The following CRB1 variants were observed in gnomAD, a reference collection of about 807,000 sequenced individuals.
The protein encoded by CRB1 is protein crumbs homolog 1.
In CRB1, 83 loss-of-function variants were observed where a neutral mutation model predicts 120.0. The observed-to-expected ratio is 0.69, with a 90% CI of 0.58 to 0.83. CRB1 has a LOEUF of 0.83. Ranked by LOEUF, CRB1 falls within the 40% of genes least tolerant of loss-of-function variation. The pLI is 0.00. For synonymous variants in CRB1, 625 were observed against 612.5 expected (o/e 1.02, Z -0.30); for missense variants, 1,699 against 1,687.6 (o/e 1.01, Z -0.12).
intron 1 of CRB1, among the ~76,000 whole-genome samples, chr1:197,318,383 C>T (rs1037397633): frequency 2.0e-5 from 3 of 152,112 alleles, no homozygotes; most frequent in African/African-American, 4.8e-5. Context: ...AGAAATTTTA[C>T]ACTCTGCTGG....
At chr1:197,293,266 T>C (rs1656305751) in intron 1 of CRB1, among the ~76,000 whole-genome samples, 1 of 151,858 alleles carries the variant, frequency 6.6e-6, no homozygotes, top group Non-Finnish European at 1.5e-5. Flanking sequence ...TATACACCAA[T>C]AACAGACAAA....
intron 11 of CRB1, among the ~76,000 whole-genome samples, chr1:197,445,116 C>T (rs1665641170): frequency 6.6e-6 from 1 of 152,168 alleles, no homozygotes; most frequent in African/African-American, 2.4e-5. Flanking sequence ...TTGTCCCTGC[C>T]AAAGCTAGCC....
Position 197,478,172 on chromosome 1 carries a change from C to G in CRB1, c.*293C>G. 1 of 404,016 alleles carries G rather than the reference C, an allele frequency of 2.5e-6. No homozygotes were observed. The highest frequency in any genetic ancestry group is 2.6e-5 in the South Asian group (1 of 39,156). 25.0% of individuals were successfully genotyped at this position (404,016 alleles called of 1,614,324 possible). ...TCTTCTGTGGCTTTAGTGGCTATCA[C>G]TGAAACTCTTTCCTCTTTTCAACCT... On this transcript the variant is annotated 3_prime_UTR_variant, in exon 12 of 12. Transcript: ENST00000367400.
At chr1:197,475,060 A>AT (rs1194538860) in intron 11 of CRB1, among the ~76,000 whole-genome samples, 2 of 152,098 alleles carry the variant, frequency 1.3e-5, no homozygotes, top group African/African-American at 2.4e-5. Flanking sequence ...GACATAAACT[A>AT]TTTTTTCTAA....
At chr1:197,258,304 T>G in the CRB1 span, among the ~76,000 whole-genome samples, 1 of 152,134 alleles carries the variant, frequency 6.6e-6, no homozygotes, top group African/African-American at 2.4e-5. Flanking sequence ...TGCGTGTATT[T>G]CATGTTAAAA....
chr1:197,450,715 C>T lies in CRB1; in HGVS notation c.4005+8423C>T, dbSNP rs1337065027. ...CAGCACTTTGGGAGGCCGAGGTGGG[C>T]GGATCACGAGGTCAAGAGATCGAGA... is the stretch of plus-strand genomic sequence containing the variant. On this transcript the variant is annotated intron_variant, in intron 11 of 11. Coordinates refer to ENST00000367400, the MANE Select transcript of CRB1 (RefSeq NM_201253.3). 7.1e-5 allele frequency among the ~76,000 whole-genome samples: 10 copies of T among 140,810 alleles called. No homozygotes were observed. In the East Asian group the frequency reaches 2.1e-3, roughly 30 times the overall value. The allele number at this position is 140,810 out of a possible 152,430, so 92.4% of individuals were successfully genotyped here.
chr1:197,240,326 G>A, the CRB1 span, among the ~76,000 whole-genome samples: 7 of 152,002 alleles, frequency 4.6e-5, no homozygotes, highest in Admixed American at 2.0e-4. Flanking sequence ...CCATCAACCC[G>A]TCATCTACGT....
At chr1:197,376,583 G>A (rs1661659351) in intron 5 of CRB1, among the ~76,000 whole-genome samples, 2 of 152,038 alleles carry the variant, frequency 1.3e-5, no homozygotes, top group African/African-American at 4.8e-5. Context: ...ACAGTTTGTT[G>A]GCTTCTCCTT....
At chr1:197,262,432 G>T in the CRB1 span, among the ~76,000 whole-genome samples, 1 of 151,994 alleles carries the variant, frequency 6.6e-6, no homozygotes, top group Middle Eastern at 3.4e-3. Context: ...TTTGATTATT[G>T]TTCTACTGTA....
chr1:197,270,993 A>G (rs1445699839), intron 1 of CRB1, among the ~76,000 whole-genome samples: 2 of 152,150 alleles, frequency 1.3e-5, no homozygotes, highest in Admixed American at 6.5e-5. Context: ...AGCCTAGTTC[A>G]AGACCAGCCT....
At chr1:197,370,322 A>G (rs1198402283) in intron 5 of CRB1, among the ~76,000 whole-genome samples, 2 of 152,154 alleles carry the variant, frequency 1.3e-5, no homozygotes, top group African/African-American at 4.8e-5. Context: ...CTCTAAAACA[A>G]ATGGACTTAG....
intron 1 of CRB1, among the ~76,000 whole-genome samples, chr1:197,303,205 A>C (rs1424382166): frequency 2.0e-5 from 3 of 151,198 alleles, no homozygotes; most frequent in African/African-American, 7.3e-5. Flanking sequence ...ATATGTATAC[A>C]TGTGCCATGC....
At chr1:197,375,931 G>A (rs1006151971) in intron 5 of CRB1, among the ~76,000 whole-genome samples, 1 of 151,998 alleles carries the variant, frequency 6.6e-6, no homozygotes, top group African/African-American at 2.4e-5. Context: ...CCCCATTAAG[G>A]CAGTTTTTGT....
chr1:197,329,123 G>A, intron 2 of CRB1, 120 bp downstream of exon 2: 1 of 873,228 alleles, frequency 1.1e-6, no homozygotes, highest in Non-Finnish European at 1.8e-6. Flanking sequence ...TTCTTGACAG[G>A]AATCAATCAC....
chr1:197,323,546 T>G (rs1658323073), intron 1 of CRB1, among the ~76,000 whole-genome samples: 1 of 152,142 alleles, frequency 6.6e-6, no homozygotes. Context: ...AAATATACAT[T>G]GATTATAATA....
At chr1:197,442,440 A>G in intron 11 of CRB1, 148 bp downstream of exon 11, 2 of 1,569,512 alleles carry the variant, frequency 1.3e-6, no homozygotes, top group Non-Finnish European at 1.7e-6. Context: ...ACATTCCCAA[A>G]TGAAAAAAAA....
chr1:197,211,476 C>T, the CRB1 span, among the ~76,000 whole-genome samples: 342 of 152,276 alleles, frequency 2.2e-3, no homozygotes, highest in Admixed American at 4.6e-3. Flanking sequence ...CTGGTAAGGG[C>T]TTTCTTGCTG....
chr1:197,293,188 T>G (rs1558034359), intron 1 of CRB1, among the ~76,000 whole-genome samples: 1 of 152,188 alleles, frequency 6.6e-6, no homozygotes, highest in African/African-American at 2.4e-5. Flanking sequence ...AAAATCTCCT[T>G]AAGCTGATAA....
At chr1:197,303,574 T>G (rs567584709) in intron 1 of CRB1, among the ~76,000 whole-genome samples, 1 of 152,014 alleles carries the variant, frequency 6.6e-6, no homozygotes, top group African/African-American at 2.4e-5. Context: ...AACAAGTCTA[T>G]TAAGTGTCAA....
Sources: gnomAD v4.1 joint callset for allele counts (sites outside exome capture counted in the v4.1 genomes callset) on GRCh38, gnomAD v4.1.1 for gene constraint, MANE v1.5 for transcripts, NCBI Gene and HGNC (gene_info 2026-07-23, HGNC 2026-07-21) for gene names.